The following EPB41L5 variants were observed in gnomAD, a reference collection of about 807,000 sequenced individuals.
EPB41L5 encodes the protein band 4.1-like protein 5.
In EPB41L5, 55 loss-of-function variants were observed where a neutral mutation model predicts 106.6. The ratio of observed to expected loss-of-function variants is 0.52; its 90% CI spans 0.42 to 0.65. EPB41L5 has a LOEUF of 0.65. Among genes scored for constraint, EPB41L5 ranks in the 30% least tolerant of loss-of-function variants. EPB41L5 has a pLI of 0.00. For synonymous variants in EPB41L5, 297 were observed against 306.7 expected, an observed-to-expected ratio of 0.97 and a Z score of 0.33; for missense variants, 871 against 882.1, an observed-to-expected ratio of 0.99 and a Z score of 0.16.
At chr2:120,158,898 A>G (rs1687015134) in intron 20 of EPB41L5, among the ~76,000 whole-genome samples, 1 of 152,236 alleles carries the variant, frequency 6.6e-6, no homozygotes, top group African/African-American at 2.4e-5. Context: ...AAGTCTAAGG[A>G]TACAAAATCA....
At position 120,074,099 on chromosome 2, in the gene EPB41L5, G is replaced by C. The variant is rs748769495; in HGVS notation, c.329-1G>C. The C allele has an allele frequency of 6.3e-7, 1 of 1,588,174 alleles. No homozygotes were observed. The highest frequency in any genetic ancestry group is 8.6e-7 in the Non-Finnish European group (1 of 1,168,794). The stretch of plus-strand genomic sequence containing the variant: ...AAACCTTTTTTTTTTTTAAATGACA[G>C]TTGGTTCACCCTATTGTCTGCATCT... On this transcript the variant is annotated splice_acceptor_variant, in intron 4 of 24. Transcript: ENST00000263713. LOFTEE classifies it high-confidence loss of function.
intron 16 of EPB41L5, among the ~76,000 whole-genome samples, chr2:120,120,839 G>A (rs1156905710): frequency 1.3e-5 from 2 of 152,212 alleles, no homozygotes; most frequent in Non-Finnish European, 2.9e-5. Flanking sequence ...TTTTAGGCCA[G>A]GTACAGTGGC....
chr2:120,017,517 G>A (rs1301694731), intron 1 of EPB41L5, among the ~76,000 whole-genome samples: 2 of 152,204 alleles, frequency 1.3e-5, no homozygotes, highest in Non-Finnish European at 2.9e-5. Flanking sequence ...TGAAACACAT[G>A]AGGATAGCAA....
At chr2:120,150,326 A>C (rs1316945900) in intron 20 of EPB41L5, among the ~76,000 whole-genome samples, 1 of 148,970 alleles carries the variant, frequency 6.7e-6, no homozygotes, top group African/African-American at 2.5e-5. Context: ...TTTTTATTTT[A>C]TTTTCTTATT....
intron 24 of EPB41L5, among the ~76,000 whole-genome samples, chr2:120,172,009 TAAA>T (rs753429042): frequency 9.2e-6 from 1 of 109,216 alleles, no homozygotes. Context: ...ACAGGAAACT[TAAA>T]AAAAAAAAAA....
At chr2:120,088,015 A>G (rs948538074) in intron 11 of EPB41L5, among the ~76,000 whole-genome samples, 6 of 152,186 alleles carry the variant, frequency 3.9e-5, no homozygotes, top group African/African-American at 1.4e-4. Flanking sequence ...ATTTTACTTT[A>G]TGCAAATTAA....
In EPB41L5 at chr2:120,131,844, T is replaced by G. The variant is rs1010035519; in HGVS notation, c.1599+129T>G. 4.6e-6 allele frequency: 3 copies of G among 648,436 alleles called. No individual in the cohort carries two copies. In the African/African-American group the frequency reaches 5.5e-5, roughly 12 times the overall value. The allele number at this position is 648,436 out of a possible 1,614,324, so 40.2% of individuals were successfully genotyped here. ...TGTCTGTGCTGAGTTCTTATAAACC[T>G]GTTTTCTCATTTTAAAGGGTGAAAT... On this transcript the variant is annotated intron_variant, in intron 18 of 24. Coordinates refer to ENST00000263713, the MANE Select transcript of EPB41L5 (RefSeq NM_020909.4).
chr2:120,101,917 G>C (rs1684165347), intron 16 of EPB41L5, among the ~76,000 whole-genome samples: 1 of 151,998 alleles, frequency 6.6e-6, no homozygotes, highest in Admixed American at 6.6e-5. Context: ...GTGTATATTT[G>C]TGTGCATCTG....
chr2:120,019,911 AT>A (rs5833811), intron 2 of EPB41L5, among the ~76,000 whole-genome samples: 147,922 of 149,868 alleles, frequency 0.99, 73,017 homozygotes, highest in Non-Finnish European at 1. Context: ...TTTTGGATAG[AT>A]TTTTTTTTTT....
chr2:120,124,614 AT>A (rs1288644833), intron 16 of EPB41L5, among the ~76,000 whole-genome samples: 1 of 152,230 alleles, frequency 6.6e-6, no homozygotes, highest in Non-Finnish European at 1.5e-5. Flanking sequence ...AAAATTTAAC[AT>A]TGATATGGTA....
At chr2:120,146,193 G>T (rs1218744897) in intron 19 of EPB41L5, 32 bp from the exon 20 acceptor site, 3 of 1,338,480 alleles carry the variant, frequency 2.2e-6, no homozygotes, top group East Asian at 2.4e-5. Flanking sequence ...CCTCAATAAA[G>T]ATTTACTTTT....
chr2:120,057,927 CT>C (rs1405037662), intron 3 of EPB41L5, among the ~76,000 whole-genome samples: 4 of 151,988 alleles, frequency 2.6e-5, no homozygotes, highest in Admixed American at 1.3e-4. Context: ...TACAATAAGA[CT>C]TTGCAAAATA....
intron 3 of EPB41L5, among the ~76,000 whole-genome samples, chr2:120,045,589 G>C (rs1679710793): frequency 6.6e-6 from 1 of 152,104 alleles, no homozygotes; most frequent in South Asian, 2.1e-4. Context: ...ACTGTATTCA[G>C]ATAATGTTAA....
intron 24 of EPB41L5, among the ~76,000 whole-genome samples, chr2:120,168,925 T>C (rs1687539817): frequency 6.6e-6 from 1 of 152,204 alleles, no homozygotes; most frequent in Non-Finnish European, 1.5e-5. Context: ...TAATGGATTA[T>C]TTTTCTAAGC....
chr2:120,167,112 GTAAT>G (rs1272614627), intron 22 of EPB41L5, among the ~76,000 whole-genome samples: 3 of 152,182 alleles, frequency 2.0e-5, no homozygotes, highest in Non-Finnish European at 4.4e-5. Context: ...ATCATTATTT[GTAAT>G]TAATTAACTG....
At chr2:120,058,494 G>C (rs1680809014) in intron 3 of EPB41L5, among the ~76,000 whole-genome samples, 2 of 152,194 alleles carry the variant, frequency 1.3e-5, no homozygotes, top group East Asian at 3.8e-4. Context: ...ATTTTTGATA[G>C]GGATAGAGAC....
chr2:120,057,339 G>A lies in EPB41L5; in HGVS notation c.285+15229G>A, dbSNP rs533595586. Among the ~76,000 whole-genome samples, 57 of 152,208 alleles carry A rather than the reference G, an allele frequency of 3.7e-4. No homozygotes were observed. In the South Asian group the frequency reaches 0.011, roughly 28 times the overall value. On this transcript the variant is annotated intron_variant, in intron 3 of 24. Transcript: ENST00000263713. ...GTGGACTGCAGAATACTACCCCATC[G>A]TCTATTTTAAAATCTAAATGTAATT...
intron 16 of EPB41L5, among the ~76,000 whole-genome samples, chr2:120,127,278 A>G (rs2105461788): frequency 6.6e-6 from 1 of 152,294 alleles, no homozygotes; most frequent in Non-Finnish European, 1.5e-5. Flanking sequence ...AAACCATTTG[A>G]GATAAAAACT....
intron 19 of EPB41L5, among the ~76,000 whole-genome samples, chr2:120,144,976 A>G (rs1434467396): frequency 6.6e-6 from 1 of 152,254 alleles, no homozygotes; most frequent in Non-Finnish European, 1.5e-5. Flanking sequence ...CAAACTAGCA[A>G]AAGAATGAAA....
Sources: gnomAD v4.1 joint callset for allele counts (sites outside exome capture counted in the v4.1 genomes callset) on GRCh38, gnomAD v4.1.1 for gene constraint, MANE v1.5 for transcripts, NCBI Gene and HGNC (gene_info 2026-07-23, HGNC 2026-07-21) for gene names.